The following GOSR1 variants were observed in gnomAD, a reference collection of about 807,000 sequenced individuals.
GOSR1 encodes the protein 28 kDa Golgi SNARE protein.
Under a neutral mutation model 35.5 loss-of-function variants are expected in GOSR1, and 21 were observed. That is an observed-to-expected ratio of 0.59 (90% CI 0.42 to 0.85). The LOEUF is 0.85. GOSR1 is among the 40% of genes least tolerant of loss of function. GOSR1 has a pLI of 0.00. For synonymous variants in GOSR1, 94 were observed against 106.6 expected (o/e 0.88, Z 0.73); for missense variants, 285 against 309.6 (o/e 0.92, Z 0.60).
chr17:30,498,886 T>A (rs1967097630), intron 6 of GOSR1, among the ~76,000 whole-genome samples: 1 of 152,200 alleles, frequency 6.6e-6, no homozygotes, highest in South Asian at 2.1e-4. Context: ...AGTAAAAATG[T>A]ATCCATTTTA....
chr17:30,494,124 G>T (rs1966902997), intron 6 of GOSR1, among the ~76,000 whole-genome samples: 1 of 151,398 alleles, frequency 6.6e-6, no homozygotes, highest in Non-Finnish European at 1.5e-5. Flanking sequence ...TTTTTTACTT[G>T]CTCCAAAAGC....
Sources: gnomAD v4.1 joint callset for allele counts (sites outside exome capture counted in the v4.1 genomes callset) on GRCh38, gnomAD v4.1.1 for gene constraint, MANE v1.5 for transcripts, NCBI Gene and HGNC (gene_info 2026-07-23, HGNC 2026-07-21) for gene names.